HERPUD1: variants seen among roughly 807,000 people sequenced by gnomAD.
HERPUD1 encodes the protein homocysteine-responsive endoplasmic reticulum-resident ubiquitin-like domain member 1 protein.
HERPUD1 carries 17 observed loss-of-function variants against 45.0 expected under a neutral mutation model. That is an observed-to-expected ratio of 0.38 (90% CI 0.26 to 0.57). The LOEUF is 0.57. Among genes scored for constraint, HERPUD1 ranks in the 20% least tolerant of loss-of-function variants. The pLI is 0.72. For synonymous variants in HERPUD1, 164 were observed against 177.5 expected (o/e 0.92, Z 0.61); for missense variants, 420 against 490.5 (o/e 0.86, Z 1.36).
At chr16:56,942,287 C>A in intron 7 of HERPUD1, 50 bp downstream of exon 7, 1 of 1,169,140 alleles carries the variant, frequency 8.6e-7, no homozygotes, top group Non-Finnish European at 1.3e-6. Flanking sequence ...ATATGCCAGG[C>A]TCTCCAATCC....
In HERPUD1 at chr16:56,939,137, T is replaced by G. The variant is rs2270835; in HGVS notation, c.432-100T>G. 27 of 1,339,888 alleles carry G rather than the reference T, an allele frequency of 2.0e-5. No individual in the cohort carries two copies. The East Asian group carries it at 6.0e-4, about 30-fold the overall frequency. The allele number at this position is 1,339,888 out of a possible 1,614,324, so 83.0% of individuals were successfully genotyped here. ...GTAACTGCCGTAAATTCCATTCTTC[T>G]GTCTCTTCGATTTGAATTCTTGATT... On this transcript the variant is annotated intron_variant, in intron 4 of 7. Transcript: ENST00000439977.
intron 4 of HERPUD1, among the ~76,000 whole-genome samples, chr16:56,938,562 CAAA>C (rs35730351): frequency 1.2e-4 from 16 of 136,024 alleles, no homozygotes; most frequent in Admixed American, 3.7e-4. Context: ...GACTCCATCT[CAAA>C]AAAAAAAAAA....
intron 4 of HERPUD1, chr16:56,937,041 A>G (rs1453552714): frequency 1.5e-5 from 4 of 273,798 alleles, no homozygotes; most frequent in Admixed American, 5.3e-5. Context: ...GCATATATTG[A>G]AAAAAAAAAG....
Position 56,943,331 on chromosome 16 carries a change from G to T in HERPUD1, c.*41G>T. 1 of 1,610,782 alleles carries T rather than the reference G, an allele frequency of 6.2e-7. No homozygotes were observed. Among genetic ancestry groups the T allele is most frequent in the African/African-American group, 1.3e-5 (1 of 74,972 alleles). ...AGCTGTTGGAGGCTTTGACAGGAAT[G>T]GACTGGATCACCTGACTCCAGCTAG... is the stretch of plus-strand genomic sequence containing the variant. On this transcript the variant is annotated 3_prime_UTR_variant, in exon 8 of 8. Coordinates refer to ENST00000439977, the MANE Select transcript of HERPUD1 (RefSeq NM_014685.4).
rs762840600 is a variant in HERPUD1 at position 56,932,428 on chromosome 16, G to C, written c.147+37G>C. 5 of 1,493,422 alleles carry C rather than the reference G, an allele frequency of 3.3e-6. No individual in the cohort carries two copies. In the East Asian group the frequency reaches 9.7e-5, roughly 29 times the overall value. 92.5% of individuals were successfully genotyped at this position (1,493,422 alleles called of 1,614,324 possible). On this transcript the variant is annotated intron_variant, in intron 1 of 7. Transcript: ENST00000439977. ...CCCGACTTCCCGCCCCTAGGCTGTGGCCCCCCGCCCTCTGCTGGGGATGCC... is the reference window on the plus strand; with the variant it reads ...CCCGACTTCCCGCCCCTAGGCTGTGCCCCCCCGCCCTCTGCTGGGGATGCC...
chr16:56,943,018 G>A, intron 7 of HERPUD1, 108 bp from the exon 8 acceptor site: 1 of 1,145,398 alleles, frequency 8.7e-7, no homozygotes, highest in Non-Finnish European at 1.3e-6. Context: ...GTGCCTATGG[G>A]GCAGGGGGCA....
At chr16:56,942,263 G>A in intron 7 of HERPUD1, 26 bp downstream of exon 7, 2 of 1,543,684 alleles carry the variant, frequency 1.3e-6, no homozygotes, top group Non-Finnish European at 1.8e-6. Flanking sequence ...CGAAGCCCAG[G>A]CGAGCTTGAC....
chr16:56,939,674 G>A (rs2055894113), intron 5 of HERPUD1, among the ~76,000 whole-genome samples: 2 of 152,162 alleles, frequency 1.3e-5, no homozygotes, highest in African/African-American at 4.8e-5. Context: ...CTTACAGTGG[G>A]CTTGATGTTT....
At chr16:56,932,704 G>C (rs1296416671) in intron 1 of HERPUD1, among the ~76,000 whole-genome samples, 2 of 152,188 alleles carry the variant, frequency 1.3e-5, no homozygotes, top group Non-Finnish European at 2.9e-5. Flanking sequence ...CTAGAAGTAA[G>C]AAAACATCCG....
chr16:56,936,622 C>G (rs560187494), intron 3 of HERPUD1, 65 bp from the exon 4 acceptor site: 41 of 1,436,640 alleles, frequency 2.9e-5, no homozygotes, highest in Admixed American at 2.3e-4. Context: ...AAAATAATTC[C>G]TTTTGCTTGA....
At position 56,940,100 on chromosome 16, in the gene HERPUD1, G is replaced by T. The variant is rs890835579; in HGVS notation, c.760G>T (p.Val254Leu). Residue 254 changes from valine to leucine, a missense_variant, in exon 6 of 8, where the codon GTG (valine) becomes TTG (leucine). Coordinates refer to ENST00000439977, the MANE Select transcript of HERPUD1 (RefSeq NM_014685.4). ...LRMNAQGGPI[V>L]EEDDEINRDW... ...GATGAATGCACAAGGTGGCCCTATT[G>T]TGGAAGAAGATGATGAAATAAATCG... 3 of 1,614,220 alleles carry T rather than the reference G, an allele frequency of 1.9e-6. No individual in the cohort carries two copies. The highest frequency in any genetic ancestry group is 1.3e-5 in the African/African-American group (1 of 75,048).
At position 56,943,299 on chromosome 16, in the gene HERPUD1, G is replaced by C; in HGVS notation, c.*9G>C. Reference sequence around the variant, plus strand: ...CAGCCATCGCAAACTGATGGTGTTTGTGCTGTAGCTGTTGGAGGCTTTGAC... The same window carrying C: ...CAGCCATCGCAAACTGATGGTGTTTCTGCTGTAGCTGTTGGAGGCTTTGAC... On this transcript the variant is annotated 3_prime_UTR_variant, in exon 8 of 8. Coordinates refer to ENST00000439977, the MANE Select transcript of HERPUD1 (RefSeq NM_014685.4). 6.2e-7 allele frequency: 1 copy of C among 1,614,128 alleles called. No homozygotes were observed. The highest frequency in any genetic ancestry group is 1.1e-5 in the South Asian group (1 of 91,088).
At chr16:56,933,161 G>A (rs1421356560) in intron 1 of HERPUD1, 1 of 423,336 alleles carries the variant, frequency 2.4e-6, no homozygotes, top group African/African-American at 2.1e-5. Flanking sequence ...CTGATATTAT[G>A]TAAGTGTCAG....
chr16:56,941,962 A>G, intron 6 of HERPUD1, 170 bp from the exon 7 acceptor site: 1 of 593,848 alleles, frequency 1.7e-6, no homozygotes, highest in Non-Finnish European at 3.0e-6. Context: ...CAAGGACCTT[A>G]CAGACTGGTG....
chr16:56,939,821 T>A (rs1305721796), intron 5 of HERPUD1, 74 bp from the exon 6 acceptor site: 1 of 1,132,942 alleles, frequency 8.8e-7, no homozygotes, highest in Non-Finnish European at 1.3e-6. Context: ...AGTAAAAGAC[T>A]GCTGTGTAAA....
chr16:56,933,652 T>G (rs1219547495), intron 1 of HERPUD1, among the ~76,000 whole-genome samples: 1 of 152,226 alleles, frequency 6.6e-6, no homozygotes, highest in Non-Finnish European at 1.5e-5. Flanking sequence ...TGTCTAAAAA[T>G]TATTATGGCT....
At chr16:56,934,900 T>C (rs2055854126) in intron 1 of HERPUD1, 1 of 243,262 alleles carries the variant, frequency 4.1e-6, no homozygotes, top group Admixed American at 5.1e-5. Flanking sequence ...TTAGTAGAGA[T>C]GGGGTTTCAC....
chr16:56,932,352 C>A lies in HERPUD1; in HGVS notation c.108C>A (p.His36Gln), dbSNP rs1326813184. 8 of 1,599,846 alleles carry A rather than the reference C, an allele frequency of 5.0e-6. No homozygotes were observed. The highest frequency in any genetic ancestry group is 1.3e-5 in the African/African-American group (1 of 74,822). Residue 36 changes from histidine (H) to glutamine (Q), a missense_variant, in exon 1 of 8, where the codon CAC becomes CAA. Physicochemically the swap from His to Gln is conservative, Grantham distance 24 (BLOSUM62 0). Transcript: ENST00000439977. ...LSGDRGWSVG[H>Q]LKAHLSRVYP... is the part of the protein sequence containing the mutation. The stretch of plus-strand genomic sequence containing the variant: ...GCGACCGCGGCTGGAGTGTGGGCCA[C>A]CTCAAGGCCCACCTGAGCCGCGTCT...
chr16:56,938,746 G>C (rs1273054266), intron 4 of HERPUD1, among the ~76,000 whole-genome samples: 1 of 152,026 alleles, frequency 6.6e-6, no homozygotes, highest in Non-Finnish European at 1.5e-5. Context: ...GACCCCCGGT[G>C]GTCAGTAAGC....
Sources: allele counts gnomAD v4.1 joint callset (sites outside exome capture counted in the v4.1 genomes callset), GRCh38; gene constraint gnomAD v4.1.1; transcripts MANE v1.5; gene names NCBI Gene and HGNC (gene_info 2026-07-23, HGNC 2026-07-21).